PKNOX1: variants seen among roughly 807,000 people sequenced by gnomAD.
PKNOX1 encodes PBX/knotted 1 homeobox 1.
Under a neutral mutation model 51.9 loss-of-function variants are expected in PKNOX1, and 15 were observed. That is an observed-to-expected ratio of 0.29 (90% CI 0.19 to 0.45). The LOEUF is 0.45. PKNOX1 is among the 20% of genes least tolerant of loss of function. The pLI, the probability that PKNOX1 is intolerant of heterozygous loss-of-function variation, is 1.00. For synonymous variants in PKNOX1, 219 were observed against 211.1 expected, an observed-to-expected ratio of 1.04 and a Z score of -0.32; for missense variants, 462 against 547.5, an observed-to-expected ratio of 0.84 and a Z score of 1.56.
chr21:42,986,001 A>AG (rs2059050495), intron 1 of PKNOX1, among the ~76,000 whole-genome samples: 1 of 82,792 alleles, frequency 1.2e-5, no homozygotes, highest in African/African-American at 5.3e-5. Flanking sequence ...GCTCTGTCTC[A>AG]GAAAAAAAAA....
At chr21:43,015,287 T>G (rs1037869479) in intron 5 of PKNOX1, among the ~76,000 whole-genome samples, 1 of 152,202 alleles carries the variant, frequency 6.6e-6, no homozygotes, top group African/African-American at 2.4e-5. Context: ...TTCTGAGAGA[T>G]TTTATTTTGT....
intron 5 of PKNOX1, among the ~76,000 whole-genome samples, chr21:43,016,023 G>T (rs1200821158): frequency 2.0e-5 from 3 of 152,138 alleles, no homozygotes; most frequent in Non-Finnish European, 4.4e-5. Context: ...GATTTGACTA[G>T]CTTAACTTTT....
At chr21:42,984,921 T>C (rs1035482762) in intron 1 of PKNOX1, among the ~76,000 whole-genome samples, 1 of 150,726 alleles carries the variant, frequency 6.6e-6, no homozygotes, top group African/African-American at 2.4e-5. Flanking sequence ...AGAGAGGCTG[T>C]CCATGGGAAA....
chr21:43,011,174 T>C (rs1242134357), intron 4 of PKNOX1, among the ~76,000 whole-genome samples: 2 of 151,100 alleles, frequency 1.3e-5, no homozygotes, highest in Non-Finnish European at 2.9e-5. Context: ...TTCAAGCCAT[T>C]CTCCTGCCTC....
chr21:42,987,404 A>AAAAATATATATAT, intron 1 of PKNOX1, among the ~76,000 whole-genome samples: 5 of 41,406 alleles, frequency 1.2e-4, no homozygotes, highest in African/African-American at 2.8e-4. Context: ...AAAAAAAAAA[A>AAAAATATATATAT]ATATATATAT....
chr21:43,001,606 T>C (rs1978756833), intron 1 of PKNOX1, among the ~76,000 whole-genome samples: 1 of 152,224 alleles, frequency 6.6e-6, no homozygotes, highest in Non-Finnish European at 1.5e-5. Flanking sequence ...TAGCACAGGC[T>C]GTTCTCTCTC....
At chr21:42,974,814 A>C (rs2058983384) in intron 1 of PKNOX1, 150 bp downstream of exon 1, 1 of 146,878 alleles carries the variant, frequency 6.8e-6, no homozygotes, top group African/African-American at 2.5e-5. Context: ...CCCGCATTTG[A>C]CCCGCCGCCC....
intron 9 of PKNOX1, among the ~76,000 whole-genome samples, chr21:43,027,932 T>C (rs1002490843): frequency 3.3e-5 from 5 of 152,032 alleles, no homozygotes; most frequent in Non-Finnish European, 5.9e-5. Flanking sequence ...ACAGAAACAA[T>C]GTCCAGCCTG....
intron 7 of PKNOX1, among the ~76,000 whole-genome samples, chr21:43,019,501 G>C (rs1979661934): frequency 1.3e-5 from 2 of 151,690 alleles, no homozygotes; most frequent in South Asian, 4.1e-4. Flanking sequence ...TTTACTTGTA[G>C]AATTCTGGGT....
At chr21:43,006,423 G>A (rs1215920476) in intron 2 of PKNOX1, among the ~76,000 whole-genome samples, 1 of 152,126 alleles carries the variant, frequency 6.6e-6, no homozygotes, top group East Asian at 1.9e-4. Context: ...ACTGTGCCTG[G>A]CCTTTTTAAG....
At chr21:42,984,218 G>T (rs2059040572) in intron 1 of PKNOX1, among the ~76,000 whole-genome samples, 2 of 151,982 alleles carry the variant, frequency 1.3e-5, no homozygotes, top group African/African-American at 4.8e-5. Context: ...GGGACTTAAA[G>T]ACATGGGCCC....
At chr21:42,986,013 A>AATT (rs2059050685) in intron 1 of PKNOX1, among the ~76,000 whole-genome samples, 1 of 139,612 alleles carries the variant, frequency 7.2e-6, no homozygotes, top group Non-Finnish European at 1.6e-5. Context: ...AAAAAAAAAA[A>AATT]AAAATTAAAA....
chr21:43,013,209 G>A lies in PKNOX1; in HGVS notation c.493G>A (p.Gly165Arg), dbSNP rs776358443. Residue 165 changes from glycine (G) to arginine (R), a missense_variant, in exon 5 of 11, where the codon GGA becomes AGA. Gly to Arg is a moderately radical substitution (Grantham distance 125, BLOSUM62 -2). Coordinates refer to ENST00000291547, the MANE Select transcript of PKNOX1 (RefSeq NM_004571.5). ...TGAAACTCTGTTGAGTGGAGAGCCT[G>A]GAAGCCCGTACTCACCAGTGCAGTC... ...NSETLLSGEPGSPYSPVQSQQ... is the reference protein window; with the variant it reads ...NSETLLSGEPRSPYSPVQSQQ... 2.5e-6 allele frequency: 4 copies of A among 1,613,402 alleles called. No homozygotes were observed. In the South Asian group the frequency reaches 4.4e-5, roughly 18 times the overall value.
intron 6 of PKNOX1, 82 bp downstream of exon 6, chr21:43,017,089 T>A (rs1230076704): frequency 4.5e-6 from 4 of 887,188 alleles, no homozygotes; most frequent in Non-Finnish European, 7.2e-6. Context: ...AGTATAAATA[T>A]AATTTCAAGT....
chr21:42,995,797 T>G (rs759237065), intron 1 of PKNOX1, among the ~76,000 whole-genome samples: 1 of 152,248 alleles, frequency 6.6e-6, no homozygotes, highest in Admixed American at 6.5e-5. Context: ...CTGAAACGGC[T>G]TACTGTGGTG....
chr21:43,032,457 AAG>A lies in PKNOX1; in HGVS notation c.*2359_*2360del. ...ATTCACTAAGCAGTGGATTGAATTTAAGAGTGCTGCCCCTGCCCGGCGCAGTA... is the reference window on the plus strand; with the variant it reads ...ATTCACTAAGCAGTGGATTGAATTTAAGTGCTGCCCCTGCCCGGCGCAGTA... On this transcript the variant is annotated 3_prime_UTR_variant, in exon 11 of 11. Transcript: ENST00000291547. 1 of 293,020 alleles carries A rather than the reference AAG, an allele frequency of 3.4e-6. No individual in the cohort carries two copies. The highest frequency in any genetic ancestry group is 6.9e-6 in the Non-Finnish European group (1 of 144,484). The allele number at this position is 293,020 out of a possible 1,614,324, so 18.2% of individuals were successfully genotyped here.
chr21:42,981,236 G>C (rs1368101777), intron 1 of PKNOX1, among the ~76,000 whole-genome samples: 1 of 152,240 alleles, frequency 6.6e-6, no homozygotes, highest in Non-Finnish European at 1.5e-5. Context: ...GCACTCAAGG[G>C]CTGAGAGGCA....
At chr21:43,015,239 C>T (rs982330050) in intron 5 of PKNOX1, among the ~76,000 whole-genome samples, 1 of 152,214 alleles carries the variant, frequency 6.6e-6, no homozygotes, top group African/African-American at 2.4e-5. Context: ...TCTAGATGCT[C>T]TTTATCAAGT....
chr21:43,030,300 TGC>T lies in PKNOX1; in HGVS notation c.*201_*202del. The T allele has an allele frequency of 2.5e-6, 1 of 405,790 alleles. No individual in the cohort carries two copies. The highest frequency in any genetic ancestry group is 3.6e-5 in the East Asian group (1 of 27,528). The allele number at this position is 405,790 out of a possible 1,614,324, so 25.1% of individuals were successfully genotyped here. ...GTGTGTGTGTGTGTGTGTGCGTGTG[TGC>T]GTGTGTGTGGATTTTTAAAGAAATT... On this transcript the variant is annotated 3_prime_UTR_variant, in exon 11 of 11. Coordinates refer to ENST00000291547, the MANE Select transcript of PKNOX1 (RefSeq NM_004571.5).
Sources: gnomAD v4.1 joint callset for allele counts (sites outside exome capture counted in the v4.1 genomes callset) on GRCh38, gnomAD v4.1.1 for gene constraint, MANE v1.5 for transcripts, NCBI Gene and HGNC (gene_info 2026-07-23, HGNC 2026-07-21) for gene names.